Variants in PLEKHG2 observed in about 807,000 individuals in gnomAD.
The protein encoded by PLEKHG2 is pleckstrin homology domain-containing family G member 2.
Under a neutral mutation model 104.4 loss-of-function variants are expected in PLEKHG2, and 71 were observed. That is an observed-to-expected ratio of 0.68 (90% CI 0.56 to 0.83). The LOEUF (loss-of-function observed/expected upper bound fraction) is 0.83. PLEKHG2 is among the 40% of genes least tolerant of loss of function. The pLI is 0.00. For missense variants in PLEKHG2, 1,730 were observed against 1,809.4 expected (o/e 0.96, Z 0.80); for synonymous variants, 728 against 737.0 (o/e 0.99, Z 0.20).
rs376501202 is a variant in PLEKHG2, at chr19:39,415,225, C to T, written c.343C>T (p.Arg115Trp). 12 of 1,583,786 alleles carry T rather than the reference C, an allele frequency of 7.6e-6. No individual in the cohort carries two copies. Among genetic ancestry groups the T allele is most frequent in the African/African-American group, 1.3e-5 (1 of 74,092 alleles). ...GGCCCGGGAGATCGTGGAGACAGAA[C>T]GGGCCTATGTCAGGGACCTCCGCAG... is the stretch of plus-strand genomic sequence containing the variant. ...RVAREIVETE[R>W]AYVRDLRSIV... Residue 115 changes from arginine to tryptophan, a missense_variant, in exon 3 of 19, where the codon CGG (arginine) becomes TGG (tryptophan). Physicochemically the swap from Arg to Trp is moderately radical, Grantham distance 101. Transcript: ENST00000425673. This position sits in a 1 kb window ranked among gnomAD's most constrained non-coding sequence, Gnocchi z 4.6.
chr19:39,415,385 T>G lies in PLEKHG2; in HGVS notation c.425T>G (p.Val142Gly), dbSNP rs1266590114. Reference protein sequence around the residue: ...LLDGGVLGLSVEQVGTLFANI... With the variant: ...LLDGGVLGLSGEQVGTLFANI... ...GACGGCGGGGTCCTGGGGCTGAGCG[T>G]GGAGCAGGTGGGCACGCTGTTTGCC... Residue 142 changes from valine to glycine, a missense_variant, in exon 4 of 19, where the codon GTG becomes GGG. Coordinates refer to ENST00000425673, the MANE Select transcript of PLEKHG2 (RefSeq NM_022835.3). This position sits in a 1 kb window ranked among gnomAD's most constrained non-coding sequence, Gnocchi z 4.6. 3 of 1,613,918 alleles carry G rather than the reference T, an allele frequency of 1.9e-6. No homozygotes were observed. The African/African-American group carries it at 4.0e-5, about 22-fold the overall frequency.
At position 39,422,738 on chromosome 19, in the gene PLEKHG2, A is replaced by G; in HGVS notation, c.1684A>G (p.Thr562Ala). Residue 562 changes from threonine to alanine, a missense_variant, in exon 18 of 19, where the codon ACC becomes GCC. Transcript: ENST00000425673. Reference protein sequence around the residue: ...QRGLRDPGPSTHDIPKFPGDS... With the variant: ...QRGLRDPGPSAHDIPKFPGDS... Reference sequence around the variant, plus strand: ...TCTCCTGTGCCCACTATAGCCGTCCACCCATGACATTCCCAAGTTCCCCGG... The same window carrying G: ...TCTCCTGTGCCCACTATAGCCGTCCGCCCATGACATTCCCAAGTTCCCCGG... The G allele has an allele frequency of 6.6e-7, 1 of 1,521,718 alleles. No individual in the cohort carries two copies. The highest frequency in any genetic ancestry group is 2.3e-5 in the East Asian group (1 of 44,172). 94.3% of individuals were successfully genotyped at this position (1,521,718 alleles called of 1,614,324 possible). A position where few individuals can be genotyped will look rare whatever the true frequency, so the allele number is the denominator to read the frequency against.
In PLEKHG2 at chr19:39,413,792, A is replaced by C; in HGVS notation, c.-22-273A>C. ...CAGCTGGAGCCCAAACGTTCCCAGG[A>C]TCCCTAAGCCTCCGGCCCCAGACAA... On this transcript the variant is annotated intron_variant, in intron 1 of 18. Coordinates refer to ENST00000425673, the MANE Select transcript of PLEKHG2 (RefSeq NM_022835.3). The surrounding 1 kb of genome is among the most constrained non-coding windows in gnomAD (Gnocchi z 4.5). 4.8e-6 allele frequency: 1 copy of C among 208,910 alleles called. No homozygotes were observed. The highest frequency in any genetic ancestry group is 1.1e-4 in the East Asian group (1 of 9,278). The allele number at this position is 208,910 out of a possible 1,614,324, so 12.9% of individuals were successfully genotyped here. A position where few individuals can be genotyped will look rare whatever the true frequency, so the allele number is the denominator to read the frequency against.
intron 11 of PLEKHG2, among the ~76,000 whole-genome samples, chr19:39,419,571 A>G (rs1229953640): frequency 1.3e-5 from 2 of 151,956 alleles, no homozygotes; most frequent in African/African-American, 4.8e-5. Flanking sequence ...GAGAAACCCC[A>G]TCTCTACTAA....
chr19:39,423,725 G>C lies in PLEKHG2; in HGVS notation c.2600-8G>C. On this transcript the variant is annotated splice_region_variant and splice_polypyrimidine_tract_variant and intron_variant, in intron 18 of 18. Transcript: ENST00000425673. The stretch of plus-strand genomic sequence containing the variant: ...GTGGTCCTGACTCGATCCTCTTTTC[G>C]CATTCAGGGCTCCTGCCTGCCTTTG... The C allele has an allele frequency of 1.2e-6, 2 of 1,603,452 alleles. No individual in the cohort carries two copies. Among genetic ancestry groups the C allele is most frequent in the Non-Finnish European group, 1.7e-6 (2 of 1,173,310 alleles).
chr19:39,417,569 C>T lies in PLEKHG2; in HGVS notation c.759C>T (p.His253=), dbSNP rs1434477902. The part of the protein sequence containing the change: ...YHLLLQELGK[H]WAEGPGTGGR... ...CTGCCTGACAGGAACTAGGGAAGCA[C>T]TGGGCGGAGGGCCCAGGCACTGGGG... is the stretch of plus-strand genomic sequence containing the variant. Residue 253 remains histidine (H), a synonymous_variant, in exon 8 of 19, where the codon CAC becomes CAT. Coordinates refer to ENST00000425673, the MANE Select transcript of PLEKHG2 (RefSeq NM_022835.3). 1 of 1,614,102 alleles carries T rather than the reference C, an allele frequency of 6.2e-7. No individual in the cohort carries two copies. The highest frequency in any genetic ancestry group is 8.5e-7 in the Non-Finnish European group (1 of 1,180,004).
In PLEKHG2 at chr19:39,413,619, G is replaced by T. The variant is rs2078553742; in HGVS notation, c.-23+207G>T. 1.3e-5 allele frequency: 2 copies of T among 152,910 alleles called. No individual in the cohort carries two copies. Among genetic ancestry groups the T allele is most frequent in the Non-Finnish European group, 2.9e-5 (2 of 68,464 alleles). 9.5% of individuals were successfully genotyped at this position (152,910 alleles called of 1,614,324 possible). On this transcript the variant is annotated intron_variant, in intron 1 of 18. Transcript: ENST00000425673. This position sits in a 1 kb window ranked among gnomAD's most constrained non-coding sequence, Gnocchi z 4.5. Reference sequence around the variant, plus strand: ...CCGGCCGGAGGGGGTGCGAGGGCTCGGGGCCAGCGCCCCAGCGCGCAGCCC... The same window carrying T: ...CCGGCCGGAGGGGGTGCGAGGGCTCTGGGCCAGCGCCCCAGCGCGCAGCCC...
chr19:39,421,409 G>T, intron 16 of PLEKHG2, 110 bp downstream of exon 16: 1 of 1,215,058 alleles, frequency 8.2e-7, no homozygotes, highest in South Asian at 1.3e-5. Context: ...ATTGGGGCCA[G>T]ACAGAGTAAC....
rs2078631636 is a variant in PLEKHG2, at chr19:39,417,817, T to C, written c.883-88T>C. The stretch of plus-strand genomic sequence containing the variant: ...GGTTGGCTGGGACAGCATGGCCCTG[T>C]TGCTAACCCCCTGTTTTGGTGTGTA... On this transcript the variant is annotated intron_variant, in intron 8 of 18. Coordinates refer to ENST00000425673, the MANE Select transcript of PLEKHG2 (RefSeq NM_022835.3). 3 of 1,496,974 alleles carry C rather than the reference T, an allele frequency of 2.0e-6. No individual in the cohort carries two copies. In the African/African-American group the frequency reaches 4.1e-5, roughly 21 times the overall value. 92.7% of individuals were successfully genotyped at this position (1,496,974 alleles called of 1,614,324 possible).
At chr19:39,418,673 G>A (rs1053489985) in intron 9 of PLEKHG2, 61 bp from the exon 10 acceptor site, 34 of 1,386,778 alleles carry the variant, frequency 2.5e-5, no homozygotes, top group African/African-American at 1.1e-4. Context: ...GGGTGTCTCC[G>A]TACAAGGGGC....
chr19:39,418,643 G>A, intron 9 of PLEKHG2, 91 bp from the exon 10 acceptor site: 2 of 991,844 alleles, frequency 2.0e-6, no homozygotes, highest in East Asian at 2.5e-5. Context: ...CTAGGGAGGA[G>A]GACCCAGATA....
rs756487064 is a variant in PLEKHG2 at position 39,423,501 on chromosome 19, G to A, written c.2447G>A (p.Arg816Gln). ...CCGAGTTCAGAAAGGACGGCGTCCCGAGTGCGAGAGCTGGCCCGGCTTTAC... is the reference window on the plus strand; with the variant it reads ...CCGAGTTCAGAAAGGACGGCGTCCCAAGTGCGAGAGCTGGCCCGGCTTTAC... ...GAPSSERTAS[R>Q]VRELARLYSE... The change falls in exon 18 of 19, where the codon CGA becomes CAA. Residue 816 changes from arginine to glutamine, a missense_variant. Physicochemically the swap from Arg to Gln is conservative, Grantham distance 43. Transcript: ENST00000425673. The A allele has an allele frequency of 3.2e-6, 5 of 1,581,900 alleles. No individual in the cohort carries two copies. The highest frequency in any genetic ancestry group is 3.4e-6 in the Non-Finnish European group (4 of 1,162,220).
Position 39,415,497 on chromosome 19 carries a change from A to G in PLEKHG2, c.479+58A>G. 1 of 1,576,726 alleles carries G rather than the reference A, an allele frequency of 6.3e-7. No homozygotes were observed. The highest frequency in any genetic ancestry group is 8.7e-7 in the Non-Finnish European group (1 of 1,152,378). ...GATTGGTTGGAGGGTCTATTTCCTAATCCAAACCTCGGAGCTTCGTAGTGT... is the reference window on the plus strand; with the variant it reads ...GATTGGTTGGAGGGTCTATTTCCTAGTCCAAACCTCGGAGCTTCGTAGTGT... On this transcript the variant is annotated intron_variant, in intron 4 of 18. Coordinates refer to ENST00000425673, the MANE Select transcript of PLEKHG2 (RefSeq NM_022835.3). This position sits in a 1 kb window ranked among gnomAD's most constrained non-coding sequence, Gnocchi z 4.6.
At position 39,417,909 on chromosome 19, in the gene PLEKHG2, T is replaced by G; in HGVS notation, c.887T>G (p.Val296Gly). ...CACCTGGCGGGGTCCCGGCAGGAAG[T>G]GCAGCGGCGGCTGGGTGGCTGGACC... Reference protein sequence around the residue: ...KQEHAARLQEVQRRLGGWTGP... With the variant: ...KQEHAARLQEGQRRLGGWTGP... Residue 296 changes from valine to glycine, a missense_variant, in exon 9 of 19, where the codon GTG becomes GGG. Val to Gly is a moderately radical substitution (Grantham distance 109). Coordinates refer to ENST00000425673, the MANE Select transcript of PLEKHG2 (RefSeq NM_022835.3). 1 of 1,540,450 alleles carries G rather than the reference T, an allele frequency of 6.5e-7. No individual in the cohort carries two copies. Among genetic ancestry groups the G allele is most frequent in the Non-Finnish European group, 8.7e-7 (1 of 1,145,088 alleles).
intron 2 of PLEKHG2, 99 bp from the exon 3 acceptor site, chr19:39,414,893 T>TG: frequency 7.4e-7 from 1 of 1,359,046 alleles, no homozygotes; most frequent in South Asian, 1.5e-5. Context: ...GGAAAGCTGT[T>TG]GGACAGGTGT....
rs1459970039 is a variant in PLEKHG2 at position 39,414,051 on chromosome 19, G to A, written c.-22-14G>A. On this transcript the variant is annotated splice_polypyrimidine_tract_variant and intron_variant, in intron 1 of 18. Transcript: ENST00000425673. ...CATGGGGTCCTGATATCCAAGAAGG[G>A]GCTCTTTCTGCAGGACTCTGCTGGG... The A allele has an allele frequency of 6.5e-7, 1 of 1,529,822 alleles. No individual in the cohort carries two copies. Among genetic ancestry groups the A allele is most frequent in the Non-Finnish European group, 8.9e-7 (1 of 1,128,840 alleles). The allele number at this position is 1,529,822 out of a possible 1,614,324, so 94.8% of individuals were successfully genotyped here. A position where few individuals can be genotyped will look rare whatever the true frequency, so the allele number is the denominator to read the frequency against.
intron 17 of PLEKHG2, 124 bp from the exon 18 acceptor site, chr19:39,422,608 C>T (rs533330732): frequency 1.5e-4 from 185 of 1,250,454 alleles, no homozygotes; most frequent in East Asian, 9.3e-4. Context: ...AGGCTGGTCT[C>T]GAACTCGTAA....
At position 39,425,480 on chromosome 19, in the gene PLEKHG2, T is replaced by C. The variant is rs376132301; in HGVS notation, c.*186T>C. ...CACAGGGATGGGGAAGGGAGGAATG[T>C]CATTAATGTTTTGTTAATACTGATT... On this transcript the variant is annotated 3_prime_UTR_variant, in exon 19 of 19. Transcript: ENST00000425673. 13 of 932,210 alleles carry C rather than the reference T, an allele frequency of 1.4e-5. No individual in the cohort carries two copies. The highest frequency in any genetic ancestry group is 1.8e-5 in the Non-Finnish European group (12 of 664,248). 57.7% of individuals were successfully genotyped at this position (932,210 alleles called of 1,614,324 possible). A position where few individuals can be genotyped will look rare whatever the true frequency, so the allele number is the denominator to read the frequency against.
In PLEKHG2 at chr19:39,413,860, CTTT is replaced by C. The variant is rs2078558977; in HGVS notation, c.-22-204_-22-202del. ...TGCGCCTCCTGCTCCGCTCACTCTT[CTTT>C]GTCTCAGCCTTTCCATCTTTTTCGC... is the stretch of plus-strand genomic sequence containing the variant. On this transcript the variant is annotated intron_variant, in intron 1 of 18. Coordinates refer to ENST00000425673, the MANE Select transcript of PLEKHG2 (RefSeq NM_022835.3). This position sits in a 1 kb window ranked among gnomAD's most constrained non-coding sequence, Gnocchi z 4.5. 5 of 421,774 alleles carry C rather than the reference CTTT, an allele frequency of 1.2e-5. No individual in the cohort carries two copies. Among genetic ancestry groups the C allele is most frequent in the Non-Finnish European group, 1.8e-5 (4 of 225,954 alleles). The allele number at this position is 421,774 out of a possible 1,614,324, so 26.1% of individuals were successfully genotyped here.
Sources: gnomAD v4.1 joint callset for allele counts (sites outside exome capture counted in the v4.1 genomes callset) on GRCh38, gnomAD v4.1.1 for gene constraint, Gnocchi (gnomAD v3.1) non-coding constraint, MANE v1.5 for transcripts, NCBI Gene and HGNC (gene_info 2026-07-23, HGNC 2026-07-21) for gene names.